The following ELOVL6 variants were observed in gnomAD, a reference collection of about 807,000 sequenced individuals.
ELOVL6 encodes the protein ELOVL fatty acid elongase 6.
A neutral mutation model predicts 31.7 loss-of-function variants in ELOVL6; 8 were observed. The observed-to-expected ratio is 0.25, with a 90% CI of 0.15 to 0.45. ELOVL6 has a LOEUF of 0.45. ELOVL6 is among the 20% of genes least tolerant of loss of function. The probability of loss-of-function intolerance (pLI) is 1.00; values close to 1 mark genes in which losing one functional copy is unlikely to be tolerated. For missense variants in ELOVL6, 126 were observed against 326.4 expected, an observed-to-expected ratio of 0.39 and a Z score of 4.73; for synonymous variants, 101 against 117.7, an observed-to-expected ratio of 0.86 and a Z score of 0.92.
intron 1 of ELOVL6, among the ~76,000 whole-genome samples, chr4:110,169,807 CTTTTTTTTTT>C: frequency 7.3e-6 from 1 of 136,626 alleles, no homozygotes; most frequent in East Asian, 2.1e-4. Flanking sequence ...TTCTTTCTTT[CTTTTTTTTTT>C]TTTTTGAGAT....
At chr4:110,056,226 T>G (rs972322930) in intron 3 of ELOVL6, among the ~76,000 whole-genome samples, 1 of 152,030 alleles carries the variant, frequency 6.6e-6, no homozygotes, top group Non-Finnish European at 1.5e-5. Context: ...CTTAGAATAT[T>G]GAAAGGTAAA....
intron 3 of ELOVL6, among the ~76,000 whole-genome samples, chr4:110,054,800 C>G (rs1303098778): frequency 6.6e-6 from 1 of 152,072 alleles, no homozygotes; most frequent in Non-Finnish European, 1.5e-5. Flanking sequence ...TCAGGTTTAA[C>G]TGAGATACAC....
In ELOVL6 at chr4:110,159,352, T is replaced by C. The variant is rs141577604; in HGVS notation, c.89+38895A>G. 3.3e-4 allele frequency among the ~76,000 whole-genome samples: 50 copies of C among 152,294 alleles called. 1 individual carries two copies. In the East Asian group the frequency reaches 8.5e-3, roughly 26 times the overall value. On this transcript the variant is annotated intron_variant, in intron 1 of 3. Coordinates refer to ENST00000302274, the MANE Select transcript of ELOVL6 (RefSeq NM_024090.3). ...ACAATATATGAGAGGACAATGATAA[T>C]AACTTGATGACAAAAGTTACTTTGC...
At chr4:110,102,407 A>T (rs1175720452) in intron 2 of ELOVL6, among the ~76,000 whole-genome samples, 2 of 152,154 alleles carry the variant, frequency 1.3e-5, no homozygotes, top group Non-Finnish European at 2.9e-5. Context: ...TTGACCCGAG[A>T]GGAAGGAGAA....
chr4:110,145,887 A>G (rs1170936492), intron 1 of ELOVL6, among the ~76,000 whole-genome samples: 3 of 152,220 alleles, frequency 2.0e-5, no homozygotes. Context: ...GAATCTTCCT[A>G]AGACTATAAT....
At chr4:110,069,211 C>T (rs976641488) in intron 2 of ELOVL6, among the ~76,000 whole-genome samples, 1 of 150,792 alleles carries the variant, frequency 6.6e-6, no homozygotes, top group Non-Finnish European at 1.5e-5. Context: ...CTAGCATTTC[C>T]CAAAAGAAAC....
At position 110,066,883 on chromosome 4, in the gene ELOVL6, A is replaced by G. The variant is rs576368814; in HGVS notation, c.222-7129T>C. 1.2e-3 allele frequency among the ~76,000 whole-genome samples: 179 copies of G among 152,080 alleles called. 1 individual carries two copies. The highest frequency in any genetic ancestry group is 0.011 in the South Asian group (52 of 4,824). On this transcript the variant is annotated intron_variant, in intron 2 of 3. Coordinates refer to ENST00000302274, the MANE Select transcript of ELOVL6 (RefSeq NM_024090.3). The stretch of plus-strand genomic sequence containing the variant: ...CATCTAGGTTTTAAGCCCTGCACAC[A>G]TTAGGTATTTGTCCTAATGCTCTCC...
intron 1 of ELOVL6, among the ~76,000 whole-genome samples, chr4:110,118,677 T>G (rs1757257202): frequency 6.6e-6 from 1 of 152,238 alleles, no homozygotes; most frequent in Non-Finnish European, 1.5e-5. Context: ...ATATGTTGGC[T>G]GCTGTGAATA....
chr4:110,050,165 G>C lies in ELOVL6; in HGVS notation c.*1173C>G, dbSNP rs1189036210. ...TTTAAACACCTCTACATTGCTTGGG[G>C]AGCAAATGCAGATGATGCAGAAACA... On this transcript the variant is annotated 3_prime_UTR_variant, in exon 4 of 4. Transcript: ENST00000302274. The C allele has an allele frequency of 6.6e-6, 1 of 152,566 alleles. No individual in the cohort carries two copies. The highest frequency in any genetic ancestry group is 6.5e-5 in the Admixed American group (1 of 15,272). The allele number at this position is 152,566 out of a possible 1,614,324, so 9.5% of individuals were successfully genotyped here.
intron 1 of ELOVL6, among the ~76,000 whole-genome samples, chr4:110,123,383 C>T (rs1757406132): frequency 6.6e-6 from 1 of 152,102 alleles, no homozygotes; most frequent in Non-Finnish European, 1.5e-5. Flanking sequence ...TAATTGAGTG[C>T]CAACTGTGTG....
chr4:110,158,276 C>T (rs1758511815), intron 1 of ELOVL6, among the ~76,000 whole-genome samples: 1 of 152,090 alleles, frequency 6.6e-6, no homozygotes, highest in African/African-American at 2.4e-5. Context: ...TAAAGAACAA[C>T]CTAGTGGACC....
intron 2 of ELOVL6, among the ~76,000 whole-genome samples, chr4:110,085,048 A>G (rs1016404074): frequency 6.6e-6 from 1 of 152,186 alleles, no homozygotes; most frequent in Non-Finnish European, 1.5e-5. Context: ...GAGTGTTGGC[A>G]GGGCTGGCTA....
chr4:110,161,800 C>T (rs1016282357), intron 1 of ELOVL6, among the ~76,000 whole-genome samples: 2 of 152,152 alleles, frequency 1.3e-5, no homozygotes, highest in Non-Finnish European at 2.9e-5. Flanking sequence ...AGCAGAAACA[C>T]ACACAAAACT....
chr4:110,125,394 G>C (rs559865184), intron 1 of ELOVL6, among the ~76,000 whole-genome samples: 1 of 151,948 alleles, frequency 6.6e-6, no homozygotes, highest in Non-Finnish European at 1.5e-5. Flanking sequence ...GAGTATCTTC[G>C]TATCTTTATA....
chr4:110,197,114 C>T lies in ELOVL6; in HGVS notation c.89+1133G>A, dbSNP rs564242546. Among the ~76,000 whole-genome samples, 1,445 of 152,290 alleles carry T rather than the reference C, an allele frequency of 9.5e-3. 19 individuals are homozygous for T. The highest frequency in any genetic ancestry group is 0.033 in the African/African-American group (1,363 of 41,574). Reference sequence around the variant, plus strand: ...CGCTCGCGCACGCGGCGGGCGGAATCCCCCGGCTCCCGGGAGACCCTGCGG... The same window carrying T: ...CGCTCGCGCACGCGGCGGGCGGAATTCCCCGGCTCCCGGGAGACCCTGCGG... On this transcript the variant is annotated intron_variant, in intron 1 of 3. Coordinates refer to ENST00000302274, the MANE Select transcript of ELOVL6 (RefSeq NM_024090.3).
intron 1 of ELOVL6, among the ~76,000 whole-genome samples, chr4:110,122,817 C>G (rs1184880097): frequency 6.6e-6 from 1 of 152,230 alleles, no homozygotes; most frequent in African/African-American, 2.4e-5. Flanking sequence ...GTCCCACTTT[C>G]CTTCGCACAT....
chr4:110,166,306 G>A (rs530433157), intron 1 of ELOVL6, among the ~76,000 whole-genome samples: 2 of 152,206 alleles, frequency 1.3e-5, no homozygotes, highest in South Asian at 4.2e-4. Flanking sequence ...CAGATAACAA[G>A]AATTCTCTTA....
intron 2 of ELOVL6, among the ~76,000 whole-genome samples, chr4:110,103,603 T>C (rs73839573): frequency 0.083 from 12,622 of 152,146 alleles, 1,330 homozygotes; most frequent in African/African-American, 0.23. Flanking sequence ...ATATTACACC[T>C]GAATGTAATA....
At chr4:110,094,814 G>A (rs1756533019) in intron 2 of ELOVL6, among the ~76,000 whole-genome samples, 1 of 152,048 alleles carries the variant, frequency 6.6e-6, no homozygotes, top group Non-Finnish European at 1.5e-5. Flanking sequence ...GTCTAGGGCA[G>A]TTGATGCAAG....
Sources: gnomAD v4.1 joint callset for allele counts (sites outside exome capture counted in the v4.1 genomes callset) on GRCh38, gnomAD v4.1.1 for gene constraint, MANE v1.5 for transcripts, NCBI Gene and HGNC (gene_info 2026-07-23, HGNC 2026-07-21) for gene names.